DPP10: variants seen among roughly 807,000 people sequenced by gnomAD.
The protein encoded by DPP10 is inactive dipeptidyl peptidase 10.
Under a neutral mutation model 120.9 loss-of-function variants are expected in DPP10, and 33 were observed. The ratio of observed to expected loss-of-function variants is 0.27; its 90% CI spans 0.21 to 0.37. The LOEUF (loss-of-function observed/expected upper bound fraction) is 0.37. Ranked by LOEUF, DPP10 falls within the 10% of genes least tolerant of loss-of-function variation. The probability of loss-of-function intolerance (pLI) is 1.00; values close to 1 mark genes in which losing one functional copy is unlikely to be tolerated. For synonymous variants in DPP10, 337 were observed against 326.1 expected (o/e 1.03, Z -0.36); for missense variants, 816 against 942.8 (o/e 0.87, Z 1.76).
chr2:114,627,409 T>C (rs1694595118), intron 1 of DPP10, among the ~76,000 whole-genome samples: 1 of 152,136 alleles, frequency 6.6e-6, no homozygotes, highest in Non-Finnish European at 1.5e-5. Context: ...TATGCTATCT[T>C]GTTAAAACAC....
At chr2:115,334,230 G>GTTTTTTGTTTTTTTTTTTTTTTTTTTT (rs2062969426) in intron 2 of DPP10, among the ~76,000 whole-genome samples, 1 of 56,412 alleles carries the variant, frequency 1.8e-5, no homozygotes, top group Admixed American at 2.5e-4. Flanking sequence ...AGCAGACTCT[G>GTTTTTTGTTTTTTTTTTTTTTTTTTTT]TTTTTTTTTT....
intron 1 of DPP10, among the ~76,000 whole-genome samples, chr2:114,810,499 G>A (rs1685088371): frequency 6.6e-6 from 1 of 152,162 alleles, no homozygotes; most frequent in Non-Finnish European, 1.5e-5. Flanking sequence ...GCAAGCCACT[G>A]ACTTAGATCA....
chr2:115,546,355 C>A (rs6741692), intron 5 of DPP10, among the ~76,000 whole-genome samples: 4 of 151,924 alleles, frequency 2.6e-5, no homozygotes, highest in Non-Finnish European at 5.9e-5. Context: ...GTACTTTTTC[C>A]TTATGCATAT....
At chr2:115,548,176 C>A (rs973376973) in intron 5 of DPP10, among the ~76,000 whole-genome samples, 3 of 152,062 alleles carry the variant, frequency 2.0e-5, no homozygotes, top group African/African-American at 7.2e-5. Context: ...TAATCTGATT[C>A]CTCTGTTTTT....
chr2:114,964,778 G>A (rs1404535274), intron 1 of DPP10, among the ~76,000 whole-genome samples: 2 of 152,192 alleles, frequency 1.3e-5, no homozygotes, highest in Non-Finnish European at 2.9e-5. Flanking sequence ...CTCAGTGTGG[G>A]AGAAACAGGA....
At chr2:115,782,269 GGA>G (rs1682854952) in intron 16 of DPP10, 81 bp from the exon 17 acceptor site, 4 of 1,220,286 alleles carry the variant, frequency 3.3e-6, no homozygotes, top group East Asian at 2.6e-5. Context: ...CCATTTGGGG[GGA>G]AAAAACTATT....
chr2:115,307,202 C>CA (rs2061391803), intron 1 of DPP10, among the ~76,000 whole-genome samples: 1 of 151,984 alleles, frequency 6.6e-6, no homozygotes, highest in Non-Finnish European at 1.5e-5. Context: ...ATACCAGACA[C>CA]ATAATAATAT....
At chr2:114,847,737 T>G (rs1486860402) in intron 1 of DPP10, among the ~76,000 whole-genome samples, 1 of 152,200 alleles carries the variant, frequency 6.6e-6, no homozygotes, top group Non-Finnish European at 1.5e-5. Context: ...AAAAGTTATC[T>G]TCTTATATTT....
intron 1 of DPP10, among the ~76,000 whole-genome samples, chr2:115,261,084 A>G (rs2059230987): frequency 6.6e-6 from 1 of 152,174 alleles, no homozygotes; most frequent in Non-Finnish European, 1.5e-5. Flanking sequence ...CCTTAGTGGA[A>G]TATAATTATG....
chr2:115,401,279 T>A (rs2068053257), intron 3 of DPP10, among the ~76,000 whole-genome samples: 1 of 152,190 alleles, frequency 6.6e-6, no homozygotes. Flanking sequence ...AACTGGGTGA[T>A]CACTAAACTA....
intron 1 of DPP10, among the ~76,000 whole-genome samples, chr2:114,621,114 G>T (rs895178552): frequency 1.4e-4 from 22 of 151,980 alleles, no homozygotes; most frequent in African/African-American, 5.1e-4. Flanking sequence ...TCTCCACTGA[G>T]AATGAAACAC....
intron 5 of DPP10, among the ~76,000 whole-genome samples, chr2:115,586,695 T>TG (rs1426590659): frequency 6.6e-6 from 1 of 152,184 alleles, no homozygotes; most frequent in African/African-American, 2.4e-5. Flanking sequence ...TTTTTGTTTT[T>TG]TTTCCATTTT....
chr2:115,351,157 T>C (rs1030284935), intron 3 of DPP10, among the ~76,000 whole-genome samples: 5 of 152,070 alleles, frequency 3.3e-5, no homozygotes, highest in Non-Finnish European at 4.4e-5. Context: ...AAAGAAAATG[T>C]GGTACATATA....
chr2:115,195,382 GAAGGTAAACAAAT>G (rs1468392563), intron 1 of DPP10, among the ~76,000 whole-genome samples: 4 of 152,144 alleles, frequency 2.6e-5, no homozygotes, highest in Admixed American at 2.6e-4. Flanking sequence ...TGCAACTGTG[GAAGGTAAACAAAT>G]AAGCAATTTT....
intron 1 of DPP10, among the ~76,000 whole-genome samples, chr2:114,751,101 G>A (rs932912882): frequency 6.6e-6 from 1 of 152,154 alleles, no homozygotes; most frequent in African/African-American, 2.4e-5. Flanking sequence ...GGGACAAGTC[G>A]TTTTGCATGT....
At chr2:115,333,238 A>G (rs1403118683) in intron 2 of DPP10, among the ~76,000 whole-genome samples, 1 of 152,032 alleles carries the variant, frequency 6.6e-6, no homozygotes, top group Non-Finnish European at 1.5e-5. Context: ...AGACACTAGG[A>G]TTACAACCCC....
intron 1 of DPP10, among the ~76,000 whole-genome samples, chr2:114,666,017 A>G (rs1002526731): frequency 6.6e-6 from 1 of 152,234 alleles, no homozygotes; most frequent in South Asian, 2.1e-4. Flanking sequence ...AAAGGGATGG[A>G]TGGAGACACA....
At chr2:115,361,194 C>T (rs1277182589) in intron 3 of DPP10, among the ~76,000 whole-genome samples, 1 of 152,012 alleles carries the variant, frequency 6.6e-6, no homozygotes, top group African/African-American at 2.4e-5. Context: ...ACACCTCAGT[C>T]TTCTCTGTGG....
intron 1 of DPP10, among the ~76,000 whole-genome samples, chr2:115,295,797 T>C (rs2060859003): frequency 6.6e-6 from 1 of 152,032 alleles, no homozygotes; most frequent in South Asian, 2.1e-4. Context: ...AAAGAAGGTA[T>C]TAGAAAAATT....
Sources: allele counts gnomAD v4.1 joint callset (sites outside exome capture counted in the v4.1 genomes callset), GRCh38; gene constraint gnomAD v4.1.1; transcripts MANE v1.5; gene names NCBI Gene and HGNC (gene_info 2026-07-23, HGNC 2026-07-21).